Variants in PAK5 observed in about 807,000 individuals in gnomAD.
PAK5 encodes p21 (RAC1) activated kinase 5, also known as serine/threonine-protein kinase PAK 5.
A neutral mutation model predicts 65.9 loss-of-function variants in PAK5; 16 were observed. That is an observed-to-expected ratio of 0.24 (90% CI 0.16 to 0.37). The LOEUF is 0.37. PAK5 is among the 10% of genes least tolerant of loss of function. PAK5 has a pLI of 1.00. For missense variants in PAK5, 785 were observed against 903.9 expected (o/e 0.87, Z 1.69); for synonymous variants, 371 against 354.9 (o/e 1.05, Z -0.51).
At position 9,553,557 on chromosome 20, in the gene PAK5, AGT is replaced by A. The variant is rs34241978; in HGVS notation, c.1743+4049_1743+4050del. 4.9e-3 allele frequency among the ~76,000 whole-genome samples: 735 copies of A among 150,992 alleles called. 2 individuals carry two copies. Among genetic ancestry groups the A allele is most frequent in the Middle Eastern group, 0.01 (3 of 290 alleles). On this transcript the variant is annotated intron_variant, in intron 7 of 9. Coordinates refer to ENST00000353224, the MANE Select transcript of PAK5 (RefSeq NM_177990.4). ...ATTTCTATAATTATGTTATTTCATGAGTGTGTGTGTGTGTGTATATATATAAA... is the reference window on the plus strand; with the variant it reads ...ATTTCTATAATTATGTTATTTCATGAGTGTGTGTGTGTGTATATATATAAA...
At chr20:9,722,536 C>T (rs1014773854) in intron 1 of PAK5, among the ~76,000 whole-genome samples, 2 of 151,788 alleles carry the variant, frequency 1.3e-5, no homozygotes, top group Admixed American at 6.6e-5. Flanking sequence ...GGCATGAACC[C>T]GGGAGGCGGA....
intron 3 of PAK5, among the ~76,000 whole-genome samples, chr20:9,627,640 T>C (rs1215247814): frequency 6.6e-6 from 1 of 152,198 alleles, no homozygotes; most frequent in Non-Finnish European, 1.5e-5. Flanking sequence ...CTTTTCTTTT[T>C]TTTTTAAATG....
chr20:9,699,089 C>A (rs2047905839), intron 2 of PAK5, among the ~76,000 whole-genome samples: 1 of 152,132 alleles, frequency 6.6e-6, no homozygotes, highest in African/African-American at 2.4e-5. Context: ...GGTCACAATG[C>A]CCTCCTCTGC....
chr20:9,669,798 T>G (rs575479795), intron 2 of PAK5, among the ~76,000 whole-genome samples: 1 of 152,238 alleles, frequency 6.6e-6, no homozygotes, highest in South Asian at 2.1e-4. Flanking sequence ...ATACTTTAAG[T>G]TTTAGGGTAC....
chr20:9,695,184 A>C (rs1033298226), intron 2 of PAK5, among the ~76,000 whole-genome samples: 1 of 151,982 alleles, frequency 6.6e-6, no homozygotes, highest in Non-Finnish European at 1.5e-5. Flanking sequence ...TCTTTTGTGA[A>C]ATATCTGTTC....
intron 2 of PAK5, among the ~76,000 whole-genome samples, chr20:9,657,150 C>A (rs1478080490): frequency 6.6e-6 from 1 of 152,168 alleles, no homozygotes; most frequent in African/African-American, 2.4e-5. Context: ...TCCCTCACTA[C>A]CCCCACAATT....
In PAK5 at chr20:9,580,876, C is replaced by G. The variant is rs201196548; in HGVS notation, c.259G>C (p.Glu87Gln). The G allele has an allele frequency of 6.2e-7, 1 of 1,611,160 alleles. No individual in the cohort carries two copies. The highest frequency in any genetic ancestry group is 2.2e-5 in the East Asian group (1 of 44,820). Reference protein sequence around the residue: ...CKETSINGLLEDFDNISVTRS... With the variant: ...CKETSINGLLQDFDNISVTRS... ...GTCACCGAGATGTTGTCAAAATCCT[C>G]TAGCAGGCCGTTGATGGAGGTTTCC... Residue 87 changes from glutamate (E) to glutamine (Q), a missense_variant, in exon 4 of 10, where the codon GAG (glutamate) becomes CAG (glutamine). Coordinates refer to ENST00000353224, the MANE Select transcript of PAK5 (RefSeq NM_177990.4).
intron 2 of PAK5, among the ~76,000 whole-genome samples, chr20:9,682,332 G>A (rs1016258414): frequency 1.3e-5 from 2 of 151,840 alleles, no homozygotes; most frequent in South Asian, 4.2e-4. Flanking sequence ...ACTCCAGCCT[G>A]GGCAACAGAG....
intron 2 of PAK5, among the ~76,000 whole-genome samples, chr20:9,687,417 G>A (rs1204165563): frequency 6.6e-6 from 1 of 152,074 alleles, no homozygotes; most frequent in Non-Finnish European, 1.5e-5. Context: ...CCCAATCATG[G>A]TCCCTTGTGC....
chr20:9,708,647 A>G (rs1383551247), intron 2 of PAK5, among the ~76,000 whole-genome samples: 1 of 152,112 alleles, frequency 6.6e-6, no homozygotes, highest in Non-Finnish European at 1.5e-5. Flanking sequence ...TTTCAAAAGC[A>G]AACATCTGGG....
intron 1 of PAK5, among the ~76,000 whole-genome samples, chr20:9,832,916 C>T (rs118186880): frequency 0.057 from 8,696 of 152,216 alleles, 343 homozygotes; most frequent in Non-Finnish European, 0.084. Context: ...ACTGTCATGT[C>T]ATGTTTGGTG....
intron 9 of PAK5, among the ~76,000 whole-genome samples, chr20:9,541,665 A>G (rs1169281178): frequency 6.6e-6 from 1 of 152,034 alleles, no homozygotes; most frequent in Admixed American, 6.5e-5. Flanking sequence ...ATCCCTCCCT[A>G]GAAAGGGCTT....
intron 1 of PAK5, among the ~76,000 whole-genome samples, chr20:9,766,803 G>A (rs1354819207): frequency 6.6e-6 from 1 of 151,960 alleles, no homozygotes; most frequent in Non-Finnish European, 1.5e-5. Context: ...GACTTCTTAG[G>A]TACTAATGAT....
intron 4 of PAK5, chr20:9,575,883 C>G (rs1329244325): frequency 6.6e-6 from 1 of 152,152 alleles, no homozygotes; most frequent in Non-Finnish European, 1.5e-5. Context: ...GGAATCCTGA[C>G]TCAGTTATTT....
intron 1 of PAK5, among the ~76,000 whole-genome samples, chr20:9,756,918 T>C (rs2123634784): frequency 1.3e-5 from 2 of 152,266 alleles, no homozygotes; most frequent in African/African-American, 4.8e-5. Flanking sequence ...AAATAGTTCA[T>C]GACTCTGGAA....
intron 1 of PAK5, among the ~76,000 whole-genome samples, chr20:9,809,985 C>T (rs2049279433): frequency 6.6e-6 from 1 of 152,190 alleles, no homozygotes; most frequent in Non-Finnish European, 1.5e-5. Flanking sequence ...CGAAGCTCTC[C>T]CTTCCAATGC....
intron 2 of PAK5, among the ~76,000 whole-genome samples, chr20:9,700,182 T>A (rs1279823680): frequency 6.6e-6 from 1 of 151,968 alleles, no homozygotes; most frequent in Non-Finnish European, 1.5e-5. Flanking sequence ...GAGGCTGAGG[T>A]GGGAGGACAG....
intron 2 of PAK5, among the ~76,000 whole-genome samples, chr20:9,663,809 C>T (rs1035283711): frequency 2.6e-5 from 4 of 152,108 alleles, no homozygotes; most frequent in East Asian, 1.9e-4. Context: ...AACACGAGTG[C>T]TTAAAGGTAT....
intron 1 of PAK5, among the ~76,000 whole-genome samples, chr20:9,822,414 A>G (rs2049433296): frequency 6.6e-6 from 1 of 152,184 alleles, no homozygotes; most frequent in Non-Finnish European, 1.5e-5. Context: ...TCATTTTTCA[A>G]CATTAGATGC....
Sources: gnomAD v4.1 joint callset for allele counts (sites outside exome capture counted in the v4.1 genomes callset) on GRCh38, gnomAD v4.1.1 for gene constraint, MANE v1.5 for transcripts, NCBI Gene and HGNC (gene_info 2026-07-23, HGNC 2026-07-21) for gene names.